The following ASTN2 variants were observed in gnomAD, a reference collection of about 807,000 sequenced individuals.
The protein encoded by ASTN2 is astrotactin 2.
Under a neutral mutation model 139.8 loss-of-function variants are expected in ASTN2, and 54 were observed. The observed-to-expected ratio is 0.39, with a 90% CI of 0.31 to 0.48. ASTN2 has a LOEUF of 0.48. Among genes scored for constraint, ASTN2 ranks in the 20% least tolerant of loss-of-function variants. ASTN2 has a pLI of 0.95. For synonymous variants in ASTN2, 756 were observed against 719.5 expected (o/e 1.05, Z -0.81); for missense variants, 1,565 against 1,725.1 (o/e 0.91, Z 1.64).
rs755561365 is a variant in ASTN2, at chr9:116,530,578, G to T, written c.3356-43078C>A. ...AATTTATACATATATCAAATATCATGCTGTATACCATAAATATATATAATT... is the reference window on the plus strand; with the variant it reads ...AATTTATACATATATCAAATATCATTCTGTATACCATAAATATATATAATT... On this transcript the variant is annotated intron_variant, in intron 19 of 22. Transcript: ENST00000313400. Among the ~76,000 whole-genome samples, 5 of 152,134 alleles carry T rather than the reference G, an allele frequency of 3.3e-5. No individual in the cohort carries two copies. The South Asian group carries it at 1.0e-3, about 32-fold the overall frequency.
intron 10 of ASTN2, among the ~76,000 whole-genome samples, chr9:116,870,592 A>T (rs867855531): frequency 1.3e-5 from 2 of 151,986 alleles, no homozygotes; most frequent in South Asian, 2.1e-4. Context: ...AATTATTATT[A>T]TTTTTTTCTG....
At position 117,123,581 on chromosome 9, in the gene ASTN2, C is replaced by T. The variant is rs754017192; in HGVS notation, c.1168+17745G>A. ...TAAATAAGAATACAATGACAACACA[C>T]GATGCTAGTGTTACTACCCTGTAGA... On this transcript the variant is annotated intron_variant, in intron 4 of 22. Coordinates refer to ENST00000313400, the MANE Select transcript of ASTN2 (RefSeq NM_001365068.1). Among the ~76,000 whole-genome samples the T allele has an allele frequency of 6.6e-5, 10 of 152,244 alleles. No homozygotes were observed. The East Asian group carries it at 7.7e-4, about 12-fold the overall frequency.
chr9:117,059,905 CT>C (rs1839187834), intron 5 of ASTN2, among the ~76,000 whole-genome samples: 1 of 152,118 alleles, frequency 6.6e-6, no homozygotes, highest in African/African-American at 2.4e-5. Context: ...CCTGGTTTAT[CT>C]TTGGGATGGG....
At chr9:117,301,754 T>C (rs998588560) in intron 1 of ASTN2, among the ~76,000 whole-genome samples, 29 of 152,188 alleles carry the variant, frequency 1.9e-4, no homozygotes, top group African/African-American at 6.5e-4. Context: ...GTTTTTAAGA[T>C]GCAAATATCT....
At chr9:117,263,843 C>T (rs1833880655) in intron 2 of ASTN2, among the ~76,000 whole-genome samples, 1 of 152,134 alleles carries the variant, frequency 6.6e-6, no homozygotes, top group African/African-American at 2.4e-5. Context: ...TCAGAACATC[C>T]TGTCCTCGGT....
chr9:116,883,182 C>G (rs915497638), intron 10 of ASTN2, among the ~76,000 whole-genome samples: 1 of 152,158 alleles, frequency 6.6e-6, no homozygotes, highest in African/African-American at 2.4e-5. Flanking sequence ...TTCATTCCCA[C>G]AGTAGGATGT....
intron 16 of ASTN2, among the ~76,000 whole-genome samples, chr9:116,679,584 TCACCA>T (rs1859713190): frequency 6.6e-6 from 1 of 151,840 alleles, no homozygotes; most frequent in Non-Finnish European, 1.5e-5. Context: ...GTGGCTGCCC[TCACCA>T]CACCACACCT....
rs1168011369 is a variant in ASTN2 at position 116,803,481 on chromosome 9, AATATAT to A, written c.2396+2145_2396+2150del. Reference sequence around the variant, plus strand: ...CAGACATGTACCACCAAGTTCGAATAATATATATATATATATATATATATATATATA... The same window carrying A: ...CAGACATGTACCACCAAGTTCGAATAATATATATATATATATATATATATA... On this transcript the variant is annotated intron_variant, in intron 13 of 22. Transcript: ENST00000313400. Among the ~76,000 whole-genome samples the A allele has an allele frequency of 4.0e-3, 322 of 79,968 alleles. 4 individuals carry two copies. Among genetic ancestry groups the A allele is most frequent in the South Asian group, 8.2e-3 (16 of 1,946 alleles). The allele number at this position is 79,968 out of a possible 152,430, so 52.5% of individuals were successfully genotyped here.
chr9:116,936,279 T>TACCACCCACCATCACCACC (rs1835082770), intron 10 of ASTN2, among the ~76,000 whole-genome samples: 1 of 119,668 alleles, frequency 8.4e-6, no homozygotes. Context: ...CCATCACCAC[T>TACCACCCACCATCACCACC]ACCACCCACC....
At chr9:117,314,696 T>C (rs1014536082) in intron 1 of ASTN2, among the ~76,000 whole-genome samples, 5 of 145,758 alleles carry the variant, frequency 3.4e-5, no homozygotes, top group Non-Finnish European at 4.5e-5. Context: ...TTTTATGGTA[T>C]ATTTATTATA....
chr9:116,967,266 A>G (rs1836038752), intron 10 of ASTN2, among the ~76,000 whole-genome samples: 1 of 152,196 alleles, frequency 6.6e-6, no homozygotes, highest in African/African-American at 2.4e-5. Context: ...CAGATAGGAA[A>G]CTGAGGCTCA....
rs563404437 is a variant in ASTN2 at position 116,780,861 on chromosome 9, T to C, written c.2396+24771A>G. On this transcript the variant is annotated intron_variant, in intron 13 of 22. Transcript: ENST00000313400. ...TCAAATTCTTTTTTTTTTTTTGAGA[T>C]GGTGTTTTGCTCTTGTTACCCAGGC... is the stretch of plus-strand genomic sequence containing the variant. Among the ~76,000 whole-genome samples, 5 of 146,098 alleles carry C rather than the reference T, an allele frequency of 3.4e-5. No homozygotes were observed. The South Asian group carries it at 8.7e-4, about 25-fold the overall frequency.
At chr9:117,401,597 A>G (rs2130962441) in intron 1 of ASTN2, among the ~76,000 whole-genome samples, 1 of 152,360 alleles carries the variant, frequency 6.6e-6, no homozygotes, top group South Asian at 2.1e-4. Flanking sequence ...GCTACTGTGT[A>G]GAGCAGAGGT....
intron 1 of ASTN2, among the ~76,000 whole-genome samples, chr9:117,364,908 T>C (rs1449096950): frequency 6.7e-6 from 1 of 148,626 alleles, no homozygotes; most frequent in Non-Finnish European, 1.5e-5. Flanking sequence ...AGCTCAGGAG[T>C]TTGAGACTAG....
intron 19 of ASTN2, among the ~76,000 whole-genome samples, chr9:116,514,863 G>A (rs544036499): frequency 2.4e-4 from 37 of 152,260 alleles, no homozygotes; most frequent in African/African-American, 8.9e-4. Context: ...TATTAGGGTG[G>A]GAGTGATCCG....
chr9:117,127,159 G>A (rs138703758), intron 4 of ASTN2, among the ~76,000 whole-genome samples: 1 of 152,336 alleles, frequency 6.6e-6, no homozygotes, highest in Non-Finnish European at 1.5e-5. Context: ...GGTTGCTGTA[G>A]TTATTGGTAT....
At chr9:116,882,238 A>G (rs1381059271) in intron 10 of ASTN2, among the ~76,000 whole-genome samples, 3 of 152,210 alleles carry the variant, frequency 2.0e-5, no homozygotes, top group Non-Finnish European at 4.4e-5. Flanking sequence ...AAGACATGGC[A>G]GAAAGACTAT....
intron 3 of ASTN2, among the ~76,000 whole-genome samples, chr9:117,176,323 TA>T (rs1830915833): frequency 6.6e-6 from 1 of 152,032 alleles, no homozygotes; most frequent in Non-Finnish European, 1.5e-5. Context: ...ATATATAAAG[TA>T]AAAGTATAAC....
intron 20 of ASTN2, among the ~76,000 whole-genome samples, chr9:116,471,667 G>T (rs1588090040): frequency 6.6e-6 from 1 of 152,294 alleles, no homozygotes; most frequent in African/African-American, 2.4e-5. Context: ...AAATGGAAAG[G>T]ACAGCAGGAA....
Sources: gnomAD v4.1 joint callset for allele counts (sites outside exome capture counted in the v4.1 genomes callset) on GRCh38, gnomAD v4.1.1 for gene constraint, MANE v1.5 for transcripts, NCBI Gene and HGNC (gene_info 2026-07-23, HGNC 2026-07-21) for gene names.